The following KREMEN1 variants were observed in gnomAD, a reference collection of about 807,000 sequenced individuals.
KREMEN1 encodes the protein kringle containing transmembrane protein 1.
KREMEN1 carries 30 observed loss-of-function variants against 46.5 expected under a neutral mutation model. The ratio of observed to expected loss-of-function variants is 0.65; its 90% CI spans 0.48 to 0.88. The LOEUF (loss-of-function observed/expected upper bound fraction) is 0.88, where lower values mean the gene tolerates loss of function less well. KREMEN1 is among the 40% of genes least tolerant of loss of function. The probability of loss-of-function intolerance (pLI) is 0.00; values close to 1 mark genes in which losing one functional copy is unlikely to be tolerated. For synonymous variants in KREMEN1, 214 were observed against 230.6 expected, an observed-to-expected ratio of 0.93 and a Z score of 0.65; for missense variants, 533 against 596.9, an observed-to-expected ratio of 0.89 and a Z score of 1.11.
At chr22:29,137,716 G>A (rs546693205) in intron 6 of KREMEN1, 42 bp downstream of exon 6, 35 of 1,487,008 alleles carry the variant, frequency 2.4e-5, no homozygotes, top group East Asian at 4.6e-5. Context: ...CAGGGCCCAC[G>A]TGCCTTGGGC....
In KREMEN1 at chr22:29,145,298, T is replaced by C; in HGVS notation, c.*3186T>C. The C allele has an allele frequency of 1.0e-6, 1 of 985,460 alleles. No individual in the cohort carries two copies. The highest frequency in any genetic ancestry group is 1.2e-6 in the Non-Finnish European group (1 of 830,048). 61.0% of individuals were successfully genotyped at this position (985,460 alleles called of 1,614,324 possible). ...AAGAGGGTAACCCTGGGAAAGTCAG[T>C]CAGAACCCATGGCAGAAGACTGCAG... On this transcript the variant is annotated 3_prime_UTR_variant, in exon 9 of 9. Coordinates refer to ENST00000400335, the MANE Select transcript of KREMEN1 (RefSeq NM_001039570.3).
Position 29,142,747 on chromosome 22 carries a change from G to T in KREMEN1, c.*635G>T. On this transcript the variant is annotated 3_prime_UTR_variant, in exon 9 of 9. Transcript: ENST00000400335. ...GGAGGGTCTGAGAATAAGATCTAGT[G>T]ACCCCCATTTATATCAAACCTGATA... The T allele has an allele frequency of 1.0e-6, 1 of 985,468 alleles. No homozygotes were observed. The highest frequency in any genetic ancestry group is 1.2e-6 in the Non-Finnish European group (1 of 829,960). The allele number at this position is 985,468 out of a possible 1,614,324, so 61.0% of individuals were successfully genotyped here. A position where few individuals can be genotyped will look rare whatever the true frequency, so the allele number is the denominator to read the frequency against.
At chr22:29,154,168 G>T (rs1486697074) in intron 9 of KREMEN1, among the ~76,000 whole-genome samples, 6 of 152,120 alleles carry the variant, frequency 3.9e-5, no homozygotes. Flanking sequence ...CTGCCTTTCA[G>T]ATTGAGAACC....
downstream of KREMEN1, among the ~76,000 whole-genome samples, chr22:29,147,258 T>C (rs1436776280): frequency 6.6e-6 from 1 of 152,214 alleles, no homozygotes; most frequent in Non-Finnish European, 1.5e-5. Context: ...TTATCCCAGG[T>C]GGAACTGACC....
intron 2 of KREMEN1, among the ~76,000 whole-genome samples, 188 bp from the exon 3 acceptor site, chr22:29,098,674 G>A (rs1162315870): frequency 6.6e-6 from 1 of 152,130 alleles, no homozygotes; most frequent in Non-Finnish European, 1.5e-5. Flanking sequence ...GTATATGTCA[G>A]AATAGATATG....
intron 1 of KREMEN1, among the ~76,000 whole-genome samples, chr22:29,091,957 C>T (rs1191498684): frequency 6.6e-6 from 1 of 152,078 alleles, no homozygotes; most frequent in Admixed American, 6.6e-5. Context: ...CGAAGCACAG[C>T]GAGTGAGTAA....
chr22:29,073,224 C>A lies in KREMEN1; in HGVS notation c.94C>A (p.Pro32Thr). Residue 32 changes from proline (P) to threonine (T), a missense_variant, in exon 1 of 9, where the codon CCC (proline) becomes ACC (threonine). Pro to Thr is a conservative substitution (Grantham distance 38, BLOSUM62 -1). Coordinates refer to ENST00000400335, the MANE Select transcript of KREMEN1 (RefSeq NM_001039570.3). This position sits in a 1 kb window ranked among gnomAD's most constrained non-coding sequence, Gnocchi z 4.4. The part of the protein sequence containing the change: ...PAPSPGLGPG[P>T]ECFTANGADY... ...GCCTAGCCCCGGCCTCGGCCCCGGA[C>A]CCGGTGAGTGTGAGCGACCCCCCGC... 1 of 1,168,860 alleles carries A rather than the reference C, an allele frequency of 8.6e-7. No homozygotes were observed. Among genetic ancestry groups the A allele is most frequent in the Non-Finnish European group, 1.1e-6 (1 of 945,478 alleles). 72.4% of individuals were successfully genotyped at this position (1,168,860 alleles called of 1,614,324 possible). A position where few individuals can be genotyped will look rare whatever the true frequency, so the allele number is the denominator to read the frequency against.
chr22:29,073,989 C>G lies in KREMEN1; in HGVS notation c.97+762C>G, dbSNP rs2037523302. On this transcript the variant is annotated intron_variant, in intron 1 of 8. Coordinates refer to ENST00000400335, the MANE Select transcript of KREMEN1 (RefSeq NM_001039570.3). The surrounding 1 kb of genome is among the most constrained non-coding windows in gnomAD (Gnocchi z 4.4). The stretch of plus-strand genomic sequence containing the variant: ...CCTCCCTGAGCCTCACTGCGACGCC[C>G]CCGCGTCCCCCAGTCCTCTCCTCCC... 6.6e-6 allele frequency among the ~76,000 whole-genome samples: 1 copy of G among 152,226 alleles called. No homozygotes were observed. Among genetic ancestry groups the G allele is most frequent in the South Asian group, 2.1e-4 (1 of 4,834 alleles).
At chr22:29,125,466 C>G in intron 5 of KREMEN1, 50 bp downstream of exon 5, 2 of 1,593,758 alleles carry the variant, frequency 1.3e-6, no homozygotes, top group Non-Finnish European at 1.7e-6. Context: ...AACCCTTGGA[C>G]CAGAGCAACA....
At chr22:29,132,898 T>A (rs544937889) in intron 5 of KREMEN1, among the ~76,000 whole-genome samples, 14 of 152,196 alleles carry the variant, frequency 9.2e-5, no homozygotes, top group Non-Finnish European at 2.1e-4. Context: ...GTCTGCTCTA[T>A]CTTTATTCCC....
At chr22:29,091,786 G>T (rs1161630362) in intron 1 of KREMEN1, among the ~76,000 whole-genome samples, 12 of 152,178 alleles carry the variant, frequency 7.9e-5, no homozygotes, top group Admixed American at 7.9e-4. Flanking sequence ...GATAGTAAGT[G>T]TTGTGAAGCA....
intron 1 of KREMEN1, among the ~76,000 whole-genome samples, chr22:29,079,970 A>G (rs1172223836): frequency 6.6e-6 from 1 of 152,272 alleles, no homozygotes; most frequent in Admixed American, 6.5e-5. Flanking sequence ...TAATGACCAC[A>G]GAAGCCATAT....
chr22:29,149,922 C>T (rs1303075077), downstream of KREMEN1, among the ~76,000 whole-genome samples: 1 of 152,186 alleles, frequency 6.6e-6, no homozygotes, highest in Admixed American at 6.5e-5. Flanking sequence ...CAAGGGTGAC[C>T]TTGTCTCCAG....
rs368677131 is a variant in KREMEN1 at position 29,164,910 on chromosome 22, C to G, written c.1417-2134C>G. ...AGGAGTTTGGCCAGGCATGGTAGCT[C>G]AGGCCTCTAATCCCAGCACTTTGGG... On this transcript the variant is annotated intron_variant, in intron 9 of 9. Transcript: ENST00000327813. 1.9e-3 allele frequency among the ~76,000 whole-genome samples: 282 copies of G among 152,058 alleles called. 1 individual carries two copies. Among genetic ancestry groups the G allele is most frequent in the African/African-American group, 6.4e-3 (265 of 41,496 alleles).
chr22:29,134,199 C>G (rs940447216), intron 5 of KREMEN1: 2 of 151,662 alleles, frequency 1.3e-5, no homozygotes, highest in African/African-American at 4.9e-5. Context: ...ACTCTGCCAC[C>G]TAGGCTGGAG....
rs934579708 is a variant in KREMEN1, at chr22:29,144,363, T to C, written c.*2251T>C. The C allele has an allele frequency of 2.0e-6, 2 of 985,788 alleles. No homozygotes were observed. The highest frequency in any genetic ancestry group is 1.7e-5 in the African/African-American group (1 of 57,236). The allele number at this position is 985,788 out of a possible 1,614,324, so 61.1% of individuals were successfully genotyped here. ...GCTTGGAGCTTCAGGCAGAGGGGCC[T>C]TCAGAGGAGGGAAACGGAGCAATGT... On this transcript the variant is annotated 3_prime_UTR_variant, in exon 9 of 9. Transcript: ENST00000400335.
At chr22:29,141,539 G>C (rs1222049218) in intron 8 of KREMEN1, among the ~76,000 whole-genome samples, 1 of 152,264 alleles carries the variant, frequency 6.6e-6, no homozygotes, top group Non-Finnish European at 1.5e-5. Flanking sequence ...AGCACCGGAG[G>C]CTAGACGGGT....
rs774154713 is a variant in KREMEN1, at chr22:29,125,365, G to C, written c.580G>C (p.Gly194Arg). The C allele has an allele frequency of 6.2e-7, 1 of 1,614,120 alleles. No homozygotes were observed. Among genetic ancestry groups the C allele is most frequent in the Admixed American group, 1.7e-5 (1 of 60,012 alleles). The change falls in exon 5 of 9, where the codon GGG (glycine) becomes CGG (arginine). Residue 194 changes from glycine to arginine, a missense_variant. Physicochemically the swap from Gly to Arg is moderately radical, Grantham distance 125. Transcript: ENST00000400335. Reference sequence around the variant, plus strand: ...TACCGAATGCAACAGCGTCTGCTTCGGGGATCACACCCAACCCTGTGGTGG... The same window carrying C: ...TACCGAATGCAACAGCGTCTGCTTCCGGGATCACACCCAACCCTGTGGTGG... ...ASTECNSVCF[G>R]DHTQPCGGDG...
Position 29,146,617 on chromosome 22 carries a change from C to T in KREMEN1, c.*4505C>T. The T allele has an allele frequency of 5.1e-6, 5 of 982,864 alleles. No individual in the cohort carries two copies. Among genetic ancestry groups the T allele is most frequent in the Non-Finnish European group, 6.0e-6 (5 of 827,372 alleles). 60.9% of individuals were successfully genotyped at this position (982,864 alleles called of 1,614,324 possible). ...ACAAGGCTTTATTTGTAAATATGCT[C>T]TTAATATGCAACTTTGAGAATAAAA... On this transcript the variant is annotated 3_prime_UTR_variant, in exon 9 of 9. Coordinates refer to ENST00000400335, the MANE Select transcript of KREMEN1 (RefSeq NM_001039570.3).
Sources: allele counts gnomAD v4.1 joint callset (sites outside exome capture counted in the v4.1 genomes callset), GRCh38; gene constraint gnomAD v4.1.1; non-coding constraint Gnocchi (gnomAD v3.1); transcripts MANE v1.5; gene names NCBI Gene and HGNC (gene_info 2026-07-23, HGNC 2026-07-21).